SLC35D4: variants seen among roughly 807,000 people sequenced by gnomAD.
SLC35D4 encodes solute carrier family 35 member D4, also known as UDP-N-acetylglucosamine transporter SLC35D4.
At chr18:23,419,326 C>G in the SLC35D4 span, among the ~76,000 whole-genome samples, 1 of 151,632 alleles carries the variant, frequency 6.6e-6, no homozygotes, top group Non-Finnish European at 1.5e-5. Flanking sequence ...GAGTTTCGCT[C>G]TTACAACCCA....
At chr18:23,426,229 TA>T in the SLC35D4 span, among the ~76,000 whole-genome samples, 2 of 152,034 alleles carry the variant, frequency 1.3e-5, no homozygotes, top group Non-Finnish European at 2.9e-5. Context: ...TTTGACCACA[TA>T]AAAAATATTT....
chr18:23,421,944 T>C, the SLC35D4 span, among the ~76,000 whole-genome samples: 1 of 152,078 alleles, frequency 6.6e-6, no homozygotes, highest in Non-Finnish European at 1.5e-5. Context: ...CCCAAAGTGC[T>C]GGCATTATAG....
the SLC35D4 span, among the ~76,000 whole-genome samples, chr18:23,302,685 A>G: frequency 6.6e-6 from 1 of 152,212 alleles, no homozygotes; most frequent in Admixed American, 6.5e-5. Context: ...CTCAGAGCCC[A>G]GCCCAGCCCT....
the SLC35D4 span, among the ~76,000 whole-genome samples, chr18:23,361,682 C>G: frequency 6.6e-6 from 1 of 152,206 alleles, no homozygotes. Context: ...GGGTTGCCCA[C>G]TGCAGACCCA....
chr18:23,425,050 A>G, the SLC35D4 span, among the ~76,000 whole-genome samples: 1 of 152,212 alleles, frequency 6.6e-6, no homozygotes, highest in African/African-American at 2.4e-5. Flanking sequence ...CCTTAACATC[A>G]AAATTGACAA....
the SLC35D4 span, among the ~76,000 whole-genome samples, chr18:23,343,398 C>T: frequency 2.0e-4 from 31 of 152,128 alleles, no homozygotes; most frequent in African/African-American, 6.5e-4. Context: ...TGCGCCACCA[C>T]ATCTGGCTAA....
chr18:23,238,985 G>A, the SLC35D4 span, among the ~76,000 whole-genome samples: 3 of 152,218 alleles, frequency 2.0e-5, no homozygotes, highest in South Asian at 2.1e-4. Flanking sequence ...ATGTTGGCGG[G>A]AGCTGTCCTA....
At chr18:23,253,715 C>A in the SLC35D4 span, 2 of 1,611,774 alleles carry the variant, frequency 1.2e-6, no homozygotes, top group Non-Finnish European at 1.7e-6. Context: ...TCCCTCTTGC[C>A]TGTCTTTCTC....
chr18:23,240,280 G>T, the SLC35D4 span, among the ~76,000 whole-genome samples: 1 of 152,186 alleles, frequency 6.6e-6, no homozygotes, highest in Non-Finnish European at 1.5e-5. Context: ...GAGCCCAGTG[G>T]AAAGACCCCA....
At chr18:23,241,761 G>C in the SLC35D4 span, among the ~76,000 whole-genome samples, 1 of 152,144 alleles carries the variant, frequency 6.6e-6, no homozygotes, top group Non-Finnish European at 1.5e-5. Context: ...ATCTTTGTGC[G>C]TGTGTGTCCT....
At chr18:23,434,248 C>T in the SLC35D4 span, among the ~76,000 whole-genome samples, 2 of 152,174 alleles carry the variant, frequency 1.3e-5, no homozygotes, top group African/African-American at 4.8e-5. Flanking sequence ...CCTCTGTAGA[C>T]AATCTCCTTG....
At chr18:23,267,467 G>A in the SLC35D4 span, among the ~76,000 whole-genome samples, 31 of 151,364 alleles carry the variant, frequency 2.0e-4, no homozygotes, top group African/African-American at 7.0e-4. Context: ...CCTCCACCCC[G>A]GCCCACTTCC....
At chr18:23,274,225 G>A in the SLC35D4 span, among the ~76,000 whole-genome samples, 3 of 152,116 alleles carry the variant, frequency 2.0e-5, no homozygotes, top group African/African-American at 4.8e-5. Context: ...CATAAGCCAC[G>A]GCTCCCAGCC....
At chr18:23,252,994 TC>T in the SLC35D4 span, 1 of 1,613,682 alleles carries the variant, frequency 6.2e-7, no homozygotes, top group Non-Finnish European at 8.5e-7. Flanking sequence ...CCCTCGGATC[TC>T]AAGAAGGACA....
chr18:23,315,371 G>A, the SLC35D4 span, among the ~76,000 whole-genome samples: 1 of 152,064 alleles, frequency 6.6e-6, no homozygotes. Flanking sequence ...CTTGGCCCCC[G>A]TCCGCACACC....
At chr18:23,250,288 C>T in the SLC35D4 span, among the ~76,000 whole-genome samples, 12,305 of 152,202 alleles carry the variant, frequency 0.081, 656 homozygotes, top group Middle Eastern at 0.16. Context: ...TGACTTTCCT[C>T]TGTAGAGGAA....
chr18:23,436,296 G>A, the SLC35D4 span, among the ~76,000 whole-genome samples: 270 of 135,266 alleles, frequency 2.0e-3, 1 homozygote, highest in African/African-American at 7.3e-3. Context: ...CCAAAGTGCT[G>A]GGATTACAGG....
chr18:23,279,516 G>A, the SLC35D4 span, among the ~76,000 whole-genome samples: 1 of 152,148 alleles, frequency 6.6e-6, no homozygotes, highest in African/African-American at 2.4e-5. Flanking sequence ...TGGAGATAAG[G>A]TCTTTATGGA....
At chr18:23,316,141 A>C in the SLC35D4 span, among the ~76,000 whole-genome samples, 1 of 152,336 alleles carries the variant, frequency 6.6e-6, no homozygotes, top group African/African-American at 2.4e-5. Flanking sequence ...CTCCAGCCAC[A>C]AGGCTCCAGA....
Sources: allele counts gnomAD v4.1 joint callset (sites outside exome capture counted in the v4.1 genomes callset), GRCh38; gene constraint gnomAD v4.1.1; transcripts MANE v1.5; gene names NCBI Gene and HGNC (gene_info 2026-07-23, HGNC 2026-07-21).